The following CSMD1 variants were observed in gnomAD, a reference collection of about 807,000 sequenced individuals.
The protein encoded by CSMD1 is CUB and Sushi multiple domains 1, also known as CUB and sushi domain-containing protein 1.
CSMD1 carries 213 observed loss-of-function variants against 417.5 expected under a neutral mutation model. The ratio of observed to expected loss-of-function variants is 0.51; its 90% CI spans 0.46 to 0.57. The LOEUF is 0.57. CSMD1 is among the 20% of genes least tolerant of loss of function. CSMD1 has a pLI of 0.00. For missense variants in CSMD1, 6,923 were observed against 4,529.7 expected (o/e 1.53, Z -15.17); for synonymous variants, 2,862 against 1,736.8 (o/e 1.65, Z -16.11).
chr8:4,924,360 T>C (rs1474369502), intron 1 of CSMD1, among the ~76,000 whole-genome samples: 1 of 151,556 alleles, frequency 6.6e-6, no homozygotes, highest in Non-Finnish European at 1.5e-5. Flanking sequence ...ACGTTTTCTG[T>C]TCTATTTTTA....
At chr8:3,122,064 T>C (rs140918470) in intron 41 of CSMD1, among the ~76,000 whole-genome samples, 101 of 152,256 alleles carry the variant, frequency 6.6e-4, no homozygotes, top group African/African-American at 2.3e-3. Flanking sequence ...ACCTAATGTA[T>C]ATCGATAATA....
intron 1 of CSMD1, among the ~76,000 whole-genome samples, chr8:4,641,191 A>T (rs1803167922): frequency 6.6e-6 from 1 of 151,914 alleles, no homozygotes; most frequent in African/African-American, 2.4e-5. Context: ...GTGCATACAG[A>T]TGTTTTTGCT....
At chr8:3,341,363 G>A (rs2117601858) in intron 23 of CSMD1, among the ~76,000 whole-genome samples, 1 of 152,284 alleles carries the variant, frequency 6.6e-6, no homozygotes, top group African/African-American at 2.4e-5. Context: ...TGAAATTCCA[G>A]TATGCATAAA....
intron 5 of CSMD1, among the ~76,000 whole-genome samples, chr8:3,805,141 T>C (rs914044933): frequency 6.6e-6 from 1 of 152,128 alleles, no homozygotes; most frequent in Admixed American, 6.5e-5. Flanking sequence ...CAGATTCCAC[T>C]AGGACAGCAG....
At chr8:3,411,817 C>CGT in intron 12 of CSMD1, among the ~76,000 whole-genome samples, 1 of 87,254 alleles carries the variant, frequency 1.1e-5, no homozygotes, top group African/African-American at 4.9e-5. Flanking sequence ...CGTATATATA[C>CGT]GTGTATATGT....
intron 3 of CSMD1, among the ~76,000 whole-genome samples, chr8:4,232,553 C>G (rs1367457174): frequency 6.6e-6 from 1 of 152,152 alleles, no homozygotes; most frequent in Non-Finnish European, 1.5e-5. Flanking sequence ...CTTGGCTTTT[C>G]TCCACTCAAA....
intron 10 of CSMD1, among the ~76,000 whole-genome samples, chr8:3,500,345 T>C (rs1796547637): frequency 6.6e-6 from 1 of 152,168 alleles, no homozygotes; most frequent in Non-Finnish European, 1.5e-5. Context: ...TAGACATTTC[T>C]AGATGGTACG....
At chr8:4,900,692 G>C (rs1328211851) in intron 1 of CSMD1, among the ~76,000 whole-genome samples, 1 of 152,152 alleles carries the variant, frequency 6.6e-6, no homozygotes, top group East Asian at 1.9e-4. Flanking sequence ...AAATGTTGCT[G>C]GGGGCTTAGA....
At chr8:4,745,818 G>T (rs1585034117) in intron 1 of CSMD1, among the ~76,000 whole-genome samples, 1 of 152,112 alleles carries the variant, frequency 6.6e-6, no homozygotes, top group Non-Finnish European at 1.5e-5. Context: ...TAGTACAAAT[G>T]AGGGGTGAAG....
At chr8:3,309,526 T>C (rs916113520) in intron 23 of CSMD1, among the ~76,000 whole-genome samples, 2 of 152,170 alleles carry the variant, frequency 1.3e-5, no homozygotes, top group African/African-American at 4.8e-5. Context: ...AGCTGTATAT[T>C]CCTTTTATGT....
chr8:4,926,072 T>G (rs891392912), intron 1 of CSMD1, among the ~76,000 whole-genome samples: 1 of 152,168 alleles, frequency 6.6e-6, no homozygotes, highest in Non-Finnish European at 1.5e-5. Context: ...ATTTTAAAAG[T>G]GGACTTATTC....
At chr8:4,837,210 G>A (rs1800546481) in intron 1 of CSMD1, among the ~76,000 whole-genome samples, 1 of 152,094 alleles carries the variant, frequency 6.6e-6, no homozygotes, top group South Asian at 2.1e-4. Flanking sequence ...ACATACTATT[G>A]GGAAGAATGT....
chr8:4,219,702 A>T (rs1329152560), intron 3 of CSMD1, among the ~76,000 whole-genome samples: 1 of 152,188 alleles, frequency 6.6e-6, no homozygotes, highest in African/African-American at 2.4e-5. Flanking sequence ...GAGTTTAAAT[A>T]TTATTTTGGG....
chr8:3,302,861 G>C (rs1584959713), intron 25 of CSMD1, among the ~76,000 whole-genome samples: 1 of 152,266 alleles, frequency 6.6e-6, no homozygotes, highest in East Asian at 1.9e-4. Context: ...TGTGGCAACT[G>C]AAAATATGAG....
chr8:3,763,515 C>A (rs1311937641), intron 5 of CSMD1, among the ~76,000 whole-genome samples: 1 of 152,164 alleles, frequency 6.6e-6, no homozygotes, highest in African/African-American at 2.4e-5. Context: ...ACTCTACCTT[C>A]TACTGTGAAT....
intron 5 of CSMD1, among the ~76,000 whole-genome samples, chr8:3,860,015 G>A (rs1310515196): frequency 6.6e-6 from 1 of 152,076 alleles, no homozygotes; most frequent in African/African-American, 2.4e-5. Context: ...GAGTTTGTTT[G>A]AGAAGTAAGA....
At chr8:3,274,738 C>A (rs535239997) in intron 26 of CSMD1, among the ~76,000 whole-genome samples, 1 of 152,120 alleles carries the variant, frequency 6.6e-6, no homozygotes, top group Non-Finnish European at 1.5e-5. Flanking sequence ...TTATGAGAGA[C>A]TAGGATTGCA....
At chr8:4,621,139 G>C (rs1222204131) in intron 2 of CSMD1, among the ~76,000 whole-genome samples, 2 of 151,966 alleles carry the variant, frequency 1.3e-5, no homozygotes, top group East Asian at 1.9e-4. Context: ...TTTCAGATTT[G>C]GGATTTCTTT....
chr8:3,315,660 A>G (rs897240683), intron 23 of CSMD1, among the ~76,000 whole-genome samples: 3 of 148,540 alleles, frequency 2.0e-5, no homozygotes, highest in East Asian at 2.0e-4. Flanking sequence ...AAAAATAGCA[A>G]TAGCAAACAG....
Sources: allele counts gnomAD v4.1 joint callset (sites outside exome capture counted in the v4.1 genomes callset), GRCh38; gene constraint gnomAD v4.1.1; transcripts MANE v1.5; gene names NCBI Gene and HGNC (gene_info 2026-07-23, HGNC 2026-07-21).